LRRC40: variants seen among roughly 807,000 people sequenced by gnomAD.
The protein encoded by LRRC40 is leucine-rich repeat-containing protein 40.
In LRRC40, 76 loss-of-function variants were observed where a neutral mutation model predicts 72.8. That is an observed-to-expected ratio of 1.04 (90% CI 0.87 to 1.26). The LOEUF is 1.26. LRRC40 is among the 50% of genes most tolerant of loss of function. The probability of loss-of-function intolerance (pLI) is 0.00; values close to 1 mark genes in which losing one functional copy is unlikely to be tolerated. For synonymous variants in LRRC40, 243 were observed against 254.2 expected (o/e 0.96, Z 0.42); for missense variants, 684 against 698.9 (o/e 0.98, Z 0.24).
intron 6 of LRRC40, among the ~76,000 whole-genome samples, chr1:70,176,843 G>T (rs1189663733): frequency 6.6e-6 from 1 of 152,014 alleles, no homozygotes; most frequent in Non-Finnish European, 1.5e-5. Context: ...TGTCATGAAT[G>T]CATTTAATAT....
At chr1:70,146,912 A>G (rs1201075081) in intron 14 of LRRC40, 2 of 152,212 alleles carry the variant, frequency 1.3e-5, no homozygotes, top group African/African-American at 4.8e-5. Context: ...TTAACAGTTA[A>G]GTGTTTATGT....
intron 7 of LRRC40, among the ~76,000 whole-genome samples, chr1:70,174,121 G>C (rs1407806467): frequency 1.3e-5 from 2 of 151,900 alleles, no homozygotes; most frequent in African/African-American, 4.8e-5. Flanking sequence ...GATAATTTTT[G>C]AATGTCCAAT....
chr1:70,189,336 A>G (rs1668441659), intron 1 of LRRC40, 63 bp from the exon 2 acceptor site: 2 of 1,301,510 alleles, frequency 1.5e-6, no homozygotes, highest in Admixed American at 5.0e-5. Flanking sequence ...AACCAGAACT[A>G]GATACTAAGT....
chr1:70,190,667 A>C (rs1300192716), intron 1 of LRRC40, among the ~76,000 whole-genome samples: 1 of 115,722 alleles, frequency 8.6e-6, no homozygotes, highest in African/African-American at 3.1e-5. Context: ...ACAGAGTGAG[A>C]CCCTGTCTCT....
chr1:70,189,207 C>G lies in LRRC40; in HGVS notation c.218G>C (p.Gly73Ala). 6 of 1,612,602 alleles carry G rather than the reference C, an allele frequency of 3.7e-6. No individual in the cohort carries two copies. Among genetic ancestry groups the G allele is most frequent in the Non-Finnish European group, 5.1e-6 (6 of 1,179,764 alleles). ...PEEANQNLSF[G>A]ATERWWEQTD... is the part of the protein sequence containing the mutation. ...CTGCTCCCACCATCTTTCAGTAGCA[C>G]CAAACGAAAGATTCTGATTAGCTTC... Residue 73 changes from glycine to alanine, a missense_variant, in exon 2 of 15, where the codon GGT (glycine) becomes GCT (alanine). Physicochemically the swap from Gly to Ala is moderately conservative, Grantham distance 60. Transcript: ENST00000370952.
chr1:70,156,277 T>C (rs1172319775), intron 10 of LRRC40, among the ~76,000 whole-genome samples: 1 of 151,908 alleles, frequency 6.6e-6, no homozygotes, highest in Non-Finnish European at 1.5e-5. Flanking sequence ...CTAAAATTAG[T>C]TTAATTAATT....
intron 1 of LRRC40, among the ~76,000 whole-genome samples, chr1:70,201,354 T>C (rs1668733816): frequency 6.6e-6 from 1 of 152,122 alleles, no homozygotes; most frequent in Non-Finnish European, 1.5e-5. Context: ...AATAATCACT[T>C]TCTGCAATTA....
intron 2 of LRRC40, 70 bp downstream of exon 2, chr1:70,189,021 GC>G: frequency 7.4e-7 from 1 of 1,349,284 alleles, no homozygotes; most frequent in Non-Finnish European, 1.0e-6. Flanking sequence ...AAGGTTTTCT[GC>G]TACCAAAGCC....
intron 3 of LRRC40, among the ~76,000 whole-genome samples, chr1:70,186,411 C>A (rs1456758221): frequency 1.3e-5 from 2 of 152,050 alleles, no homozygotes; most frequent in African/African-American, 2.4e-5. Context: ...TAATTAGCAC[C>A]TTTTTATGTA....
intron 9 of LRRC40, among the ~76,000 whole-genome samples, chr1:70,161,854 T>C (rs1667771594): frequency 6.6e-6 from 1 of 152,166 alleles, no homozygotes; most frequent in South Asian, 2.1e-4. Context: ...TAGGTACTAT[T>C]ATAAGTAAGA....
rs181983875 is a variant in LRRC40 at position 70,172,710 on chromosome 1, A to C, written c.1111+755T>G. On this transcript the variant is annotated intron_variant, in intron 9 of 14. Coordinates refer to ENST00000370952, the MANE Select transcript of LRRC40 (RefSeq NM_017768.5). The stretch of plus-strand genomic sequence containing the variant: ...ATTTTAATAATTCACTTGAAGGATA[A>C]AGTAGAAAAAATAGCTAAACTACAC... 1.8e-4 allele frequency among the ~76,000 whole-genome samples: 28 copies of C among 152,240 alleles called. No individual in the cohort carries two copies. The East Asian group carries it at 5.4e-3, about 29-fold the overall frequency.
chr1:70,197,944 T>TA (rs1668652905), intron 1 of LRRC40, among the ~76,000 whole-genome samples: 1 of 152,122 alleles, frequency 6.6e-6, no homozygotes, highest in African/African-American at 2.4e-5. Context: ...GTATTTTTAG[T>TA]AGAGACGAAG....
chr1:70,168,913 A>G (rs1023872296), intron 9 of LRRC40, among the ~76,000 whole-genome samples: 1 of 152,226 alleles, frequency 6.6e-6, no homozygotes, highest in Non-Finnish European at 1.5e-5. Flanking sequence ...CTGTAGATAA[A>G]GCCATGCTTA....
rs538597953 is a variant in LRRC40, at chr1:70,179,445, T to C, written c.662-452A>G. 7.2e-5 allele frequency among the ~76,000 whole-genome samples: 11 copies of C among 152,190 alleles called. No homozygotes were observed. The South Asian group carries it at 2.3e-3, about 32-fold the overall frequency. On this transcript the variant is annotated intron_variant, in intron 5 of 14. Coordinates refer to ENST00000370952, the MANE Select transcript of LRRC40 (RefSeq NM_017768.5). ...GAGGCTGCACTGAGCTATGATCATGTCATTGCACCCCAGCCTGGGCAATTT... is the reference window on the plus strand; with the variant it reads ...GAGGCTGCACTGAGCTATGATCATGCCATTGCACCCCAGCCTGGGCAATTT...
chr1:70,202,408 T>C (rs1668768314), intron 1 of LRRC40, among the ~76,000 whole-genome samples: 1 of 152,202 alleles, frequency 6.6e-6, no homozygotes, highest in Non-Finnish European at 1.5e-5. Context: ...AAATGCATAC[T>C]GATTAGTTAA....
At chr1:70,192,168 T>C (rs553864926) in intron 1 of LRRC40, among the ~76,000 whole-genome samples, 10 of 152,258 alleles carry the variant, frequency 6.6e-5, no homozygotes, top group African/African-American at 2.4e-4. Flanking sequence ...GTAATTCTCA[T>C]TGTAGAGATC....
intron 6 of LRRC40, among the ~76,000 whole-genome samples, chr1:70,177,738 T>A: frequency 6.6e-6 from 1 of 152,206 alleles, no homozygotes; most frequent in East Asian, 1.9e-4. Context: ...AAACTTATGG[T>A]ATCAATACAG....
At chr1:70,149,369 C>T (rs1363135409) in intron 13 of LRRC40, among the ~76,000 whole-genome samples, 1 of 152,122 alleles carries the variant, frequency 6.6e-6, no homozygotes, top group Non-Finnish European at 1.5e-5. Flanking sequence ...CCTTCCTTTG[C>T]TGCCTTGATG....
intron 9 of LRRC40, among the ~76,000 whole-genome samples, chr1:70,164,390 CAAAAGAA>C (rs1667834672): frequency 1.3e-5 from 2 of 151,932 alleles, no homozygotes; most frequent in East Asian, 1.9e-4. Flanking sequence ...AACTCCATAT[CAAAAGAA>C]AAAAGAAAAA....
Sources: allele counts gnomAD v4.1 joint callset (sites outside exome capture counted in the v4.1 genomes callset), GRCh38; gene constraint gnomAD v4.1.1; transcripts MANE v1.5; gene names NCBI Gene and HGNC (gene_info 2026-07-23, HGNC 2026-07-21).